ATP2B2: variants seen among roughly 807,000 people sequenced by gnomAD.
The protein encoded by ATP2B2 is ATPase plasma membrane Ca2+ transporting 2, also known as plasma membrane calcium-transporting ATPase 2.
ATP2B2 carries 15 observed loss-of-function variants against 120.0 expected under a neutral mutation model. The observed-to-expected ratio is 0.12, with a 90% CI of 0.08 to 0.19. The LOEUF is 0.19. Ranked by LOEUF, ATP2B2 falls within the 10% of genes least tolerant of loss-of-function variation. The probability of loss-of-function intolerance (pLI) is 1.00; values close to 1 mark genes in which losing one functional copy is unlikely to be tolerated. For synonymous variants in ATP2B2, 694 were observed against 700.3 expected, an observed-to-expected ratio of 0.99 and a Z score of 0.14; for missense variants, 1,045 against 1,719.8, an observed-to-expected ratio of 0.61 and a Z score of 6.94.
intron 2 of ATP2B2, among the ~76,000 whole-genome samples, chr3:10,425,145 C>T (rs1962824): frequency 7.4e-5 from 9 of 121,238 alleles, no homozygotes; most frequent in African/African-American, 2.5e-4. Flanking sequence ...TATATATATA[C>T]GTATATATAT....
chr3:10,403,090 G>A (rs1440433080), intron 3 of ATP2B2, among the ~76,000 whole-genome samples: 2 of 144,268 alleles, frequency 1.4e-5, no homozygotes, highest in African/African-American at 5.9e-5. Context: ...GCCTCTGCAT[G>A]ATTTTGGGTA....
chr3:10,352,274 C>T (rs970189708), intron 14 of ATP2B2, among the ~76,000 whole-genome samples: 6 of 152,228 alleles, frequency 3.9e-5, no homozygotes, highest in African/African-American at 4.8e-5. Flanking sequence ...GTACCCTGTG[C>T]AGAGGGCACT....
chr3:10,366,698 AGCGTGGT>A (rs1019250505), intron 12 of ATP2B2, among the ~76,000 whole-genome samples: 15 of 152,180 alleles, frequency 9.9e-5, no homozygotes, highest in African/African-American at 3.1e-4. Flanking sequence ...TTCCCAAGGA[AGCGTGGT>A]GCCTCCAGAG....
intron 1 of ATP2B2, among the ~76,000 whole-genome samples, chr3:10,620,161 G>A (rs1469336244): frequency 6.6e-6 from 1 of 152,162 alleles, no homozygotes; most frequent in Admixed American, 6.5e-5. Context: ...TGGGCCAGGT[G>A]CCAGCAGGAT....
chr3:10,431,554 C>T (rs2063315598), intron 2 of ATP2B2, among the ~76,000 whole-genome samples: 1 of 152,180 alleles, frequency 6.6e-6, no homozygotes. Context: ...TCTGGAACCC[C>T]CGTTATCTCC....
At chr3:10,450,404 G>A (rs1022379168) in intron 1 of ATP2B2, among the ~76,000 whole-genome samples, 2 of 151,676 alleles carry the variant, frequency 1.3e-5, no homozygotes, top group East Asian at 3.9e-4. Flanking sequence ...CCAAATACAC[G>A]GTTCCCAGGT....
chr3:10,338,594 G>C, intron 21 of ATP2B2: 1 of 521,698 alleles, frequency 1.9e-6, no homozygotes, highest in Non-Finnish European at 3.3e-6. Context: ...AGTGCAATTT[G>C]CTTTTTAATT....
chr3:10,473,311 C>T (rs1005054748), intron 1 of ATP2B2, among the ~76,000 whole-genome samples: 2 of 152,240 alleles, frequency 1.3e-5, no homozygotes, highest in Non-Finnish European at 2.9e-5. Flanking sequence ...GCACTTGCTT[C>T]TGTTAGGGAA....
At position 10,617,065 on chromosome 3, in the gene ATP2B2, A is replaced by G. The variant is rs1307148243; in HGVS notation, c.-415+2852T>C. 2.6e-5 allele frequency among the ~76,000 whole-genome samples: 4 copies of G among 152,366 alleles called. No individual in the cohort carries two copies. The East Asian group carries it at 7.7e-4, about 29-fold the overall frequency. On this transcript the variant is annotated intron_variant, in intron 2 of 21. Transcript: ENST00000646379. Reference sequence around the variant, plus strand: ...TCTTCCTTCTGTGATCTATATTGCCACAACTGACTCCCAGTTCCCTGCTGC... The same window carrying G: ...TCTTCCTTCTGTGATCTATATTGCCGCAACTGACTCCCAGTTCCCTGCTGC...
rs576802585 is a variant in ATP2B2, at chr3:10,566,074, C to T, written c.-414-31941G>A. ...GTTCACCAGCTATCTGCCCATGCAC[C>T]CACCCCTCCTTCCACTGATTTCTCC... On this transcript the variant is annotated intron_variant, in intron 2 of 21. Transcript: ENST00000646379. Among the ~76,000 whole-genome samples, 41 of 152,264 alleles carry T rather than the reference C, an allele frequency of 2.7e-4. 1 individual carries two copies. The highest frequency in any genetic ancestry group is 6.8e-3 in the Middle Eastern group (2 of 292).
chr3:10,480,820 C>G (rs1013869289), intron 1 of ATP2B2, among the ~76,000 whole-genome samples: 23 of 152,244 alleles, frequency 1.5e-4, no homozygotes, highest in Admixed American at 1.5e-3. Flanking sequence ...AATGATCTTC[C>G]TAAAACATAA....
In ATP2B2 at chr3:10,700,785, T is replaced by C. The variant is rs115626289; in HGVS notation, c.-460+7130A>G. Among the ~76,000 whole-genome samples the C allele has an allele frequency of 4.6e-3, 699 of 152,370 alleles. 2 individuals carry two copies. Among genetic ancestry groups the C allele is most frequent in the African/African-American group, 0.016 (657 of 41,588 alleles). Reference sequence around the variant, plus strand: ...TCTCACTGATGCTACATGTCCATCATGGGTTGGCTGTGAGCTCTGCCCTGT... The same window carrying C: ...TCTCACTGATGCTACATGTCCATCACGGGTTGGCTGTGAGCTCTGCCCTGT... On this transcript the variant is annotated intron_variant, in intron 1 of 21. Coordinates refer to the ATP2B2 transcript ENST00000646379.
rs531558989 is a variant in ATP2B2, at chr3:10,345,915, C to T, written c.2511+116G>A. On this transcript the variant is annotated intron_variant, in intron 17 of 22. Transcript: ENST00000360273. ...GAGTCTCGAGAAGGGTGGGCACCCA[C>T]GGCAGATGGCGGGTGGGCCAAGTGT... The T allele has an allele frequency of 4.6e-5, 49 of 1,071,262 alleles. No individual in the cohort carries two copies. The Admixed American group carries it at 5.2e-4, about 11-fold the overall frequency. The allele number at this position is 1,071,262 out of a possible 1,614,324, so 66.4% of individuals were successfully genotyped here. A position where few individuals can be genotyped will look rare whatever the true frequency, so the allele number is the denominator to read the frequency against.
At chr3:10,674,977 A>G (rs1212654827) in intron 1 of ATP2B2, among the ~76,000 whole-genome samples, 1 of 152,180 alleles carries the variant, frequency 6.6e-6, no homozygotes, top group Admixed American at 6.5e-5. Context: ...GTCTCCTTCA[A>G]TTTAGAACGG....
At chr3:10,414,288 G>A (rs2062710194) in intron 2 of ATP2B2, among the ~76,000 whole-genome samples, 1 of 152,176 alleles carries the variant, frequency 6.6e-6, no homozygotes, top group Admixed American at 6.5e-5. Context: ...GATAATGTGG[G>A]TGTTCCATTT....
chr3:10,579,580 G>A lies in ATP2B2; in HGVS notation c.-415+40337C>T, dbSNP rs146072412. Reference sequence around the variant, plus strand: ...CTCCAGCACTTTGGGAGGTCGAGGCGGGCAGAGCACCTGAGGTCAGGAGTT... The same window carrying A: ...CTCCAGCACTTTGGGAGGTCGAGGCAGGCAGAGCACCTGAGGTCAGGAGTT... On this transcript the variant is annotated intron_variant, in intron 2 of 21. Coordinates refer to the ATP2B2 transcript ENST00000646379. Among the ~76,000 whole-genome samples the A allele has an allele frequency of 8.9e-4, 135 of 152,220 alleles. 3 individuals are homozygous for A. The East Asian group carries it at 0.025, about 28-fold the overall frequency.
chr3:10,707,071 G>A (rs553084947), intron 1 of ATP2B2, among the ~76,000 whole-genome samples: 2 of 152,330 alleles, frequency 1.3e-5, no homozygotes, highest in East Asian at 3.9e-4. Context: ...GCAAGGAGGG[G>A]TGGCCAGGCC....
intron 10 of ATP2B2, among the ~76,000 whole-genome samples, chr3:10,376,442 TG>T (rs2061382893): frequency 6.6e-6 from 1 of 152,038 alleles, no homozygotes; most frequent in Non-Finnish European, 1.5e-5. Context: ...TTTTTTTGGA[TG>T]AGGAAACTGA....
chr3:10,390,409 A>G (rs1417551560), intron 5 of ATP2B2, among the ~76,000 whole-genome samples: 1 of 152,010 alleles, frequency 6.6e-6, no homozygotes, highest in African/African-American at 2.4e-5. Context: ...TTTAAGTGGT[A>G]TCACCCACCT....
Sources: allele counts gnomAD v4.1 joint callset (sites outside exome capture counted in the v4.1 genomes callset), GRCh38; gene constraint gnomAD v4.1.1; transcripts MANE v1.5; gene names NCBI Gene and HGNC (gene_info 2026-07-23, HGNC 2026-07-21).